The following CCDC83 variants were observed in gnomAD, a reference collection of about 807,000 sequenced individuals.
CCDC83 encodes coiled-coil domain-containing protein 83.
Under a neutral mutation model 50.1 loss-of-function variants are expected in CCDC83, and 54 were observed. The observed-to-expected ratio is 1.08, with a 90% CI of 0.87 to 1.35. The LOEUF (loss-of-function observed/expected upper bound fraction) is 1.35, where lower values mean the gene tolerates loss of function less well. Among genes scored for constraint, CCDC83 ranks in the 40% most tolerant of loss-of-function variants. The pLI, the probability that CCDC83 is intolerant of heterozygous loss-of-function variation, is 0.00. For synonymous variants in CCDC83, 161 were observed against 153.3 expected (o/e 1.05, Z -0.37); for missense variants, 518 against 473.9 (o/e 1.09, Z -0.86).
At position 85,883,297 on chromosome 11, in the gene CCDC83, CT is replaced by C. The variant is rs898226890; in HGVS notation, c.343+633del. ...GGGTTTTGTTCTTTTTCTTTTTTTTCTTTTTTTTTTTAATTCTGTTGTTTGG... is the reference window on the plus strand; with the variant it reads ...GGGTTTTGTTCTTTTTCTTTTTTTTCTTTTTTTTTTAATTCTGTTGTTTGG... On this transcript the variant is annotated intron_variant, in intron 4 of 10. Coordinates refer to ENST00000342404, the MANE Select transcript of CCDC83 (RefSeq NM_001286159.2). 2.3e-3 allele frequency among the ~76,000 whole-genome samples: 330 copies of C among 145,650 alleles called. 3 individuals carry two copies. Among genetic ancestry groups the C allele is most frequent in the African/African-American group, 6.6e-3 (265 of 39,932 alleles).
intron 6 of CCDC83, among the ~76,000 whole-genome samples, chr11:85,896,278 G>C (rs1180883142): frequency 6.6e-6 from 1 of 151,886 alleles, no homozygotes; most frequent in Non-Finnish European, 1.5e-5. Context: ...TCCCAGCTCA[G>C]TAGTGCCAGC....
At chr11:85,883,811 A>G (rs1275132011) in intron 4 of CCDC83, among the ~76,000 whole-genome samples, 1 of 152,176 alleles carries the variant, frequency 6.6e-6, no homozygotes, top group Non-Finnish European at 1.5e-5. Context: ...TCTCCACTCA[A>G]TAGATATTTG....
intron 2 of CCDC83, among the ~76,000 whole-genome samples, chr11:85,871,693 G>A (rs1275082208): frequency 2.6e-5 from 4 of 152,058 alleles, no homozygotes; most frequent in Non-Finnish European, 5.9e-5. Flanking sequence ...TGGACATTTA[G>A]GCCCAGGGAA....
intron 6 of CCDC83, among the ~76,000 whole-genome samples, chr11:85,896,400 C>CAAAAAA (rs58450617): frequency 4.0e-5 from 2 of 50,496 alleles, no homozygotes; most frequent in African/African-American, 6.7e-5. Context: ...GACCTTGTCT[C>CAAAAAA]AAAAAAAAAA....
chr11:85,882,561 A>C lies in CCDC83; in HGVS notation c.229A>C (p.Lys77Gln), dbSNP rs781694196. Residue 77 changes from lysine (K) to glutamine (Q), a missense_variant, in exon 4 of 11, where the codon AAG (lysine) becomes CAG (glutamine). Physicochemically the swap from Lys to Gln is moderately conservative, Grantham distance 53. Coordinates refer to ENST00000342404, the MANE Select transcript of CCDC83 (RefSeq NM_001286159.2). ...EQIWHIRHLLKELSEEKAEGL... is the reference protein window; with the variant it reads ...EQIWHIRHLLQELSEEKAEGL... ...GATTTGGCACATACGGCATCTACTA[A>C]AGGAACTGAGTGAAGAGAAGGCAGA... The C allele has an allele frequency of 6.2e-7, 1 of 1,613,894 alleles. No homozygotes were observed. The highest frequency in any genetic ancestry group is 2.2e-5 in the East Asian group (1 of 44,888).
intron 2 of CCDC83, among the ~76,000 whole-genome samples, chr11:85,871,160 C>G (rs370871472): frequency 7.0e-4 from 107 of 152,230 alleles, no homozygotes; most frequent in African/African-American, 2.4e-3. Context: ...GAGCAAGACT[C>G]TATTTCAAAA....
intron 1 of CCDC83, among the ~76,000 whole-genome samples, chr11:85,859,738 T>C (rs910968604): frequency 2.0e-5 from 3 of 152,144 alleles, no homozygotes; most frequent in Non-Finnish European, 4.4e-5. Context: ...ACCTAGGAAA[T>C]ACCATTCTGG....
chr11:85,887,517 T>A (rs750366139), intron 5 of CCDC83, among the ~76,000 whole-genome samples: 9 of 152,120 alleles, frequency 5.9e-5, no homozygotes, highest in Non-Finnish European at 1.2e-4. Context: ...CCCATATCAG[T>A]CTGGGCATGA....
At chr11:85,901,900 G>T (rs1051168861) in intron 7 of CCDC83, among the ~76,000 whole-genome samples, 24 of 151,594 alleles carry the variant, frequency 1.6e-4, no homozygotes, top group Non-Finnish European at 2.5e-4. Context: ...GCATGGTGGT[G>T]CAGGCCTGTG....
At chr11:85,913,719 T>A (rs987692339) in intron 8 of CCDC83, among the ~76,000 whole-genome samples, 1 of 152,194 alleles carries the variant, frequency 6.6e-6, no homozygotes, top group Non-Finnish European at 1.5e-5. Context: ...TAGAATGTCA[T>A]AGGATTTGTT....
chr11:85,872,796 C>T (rs2093246725), intron 2 of CCDC83, among the ~76,000 whole-genome samples: 1 of 152,046 alleles, frequency 6.6e-6, no homozygotes, highest in Admixed American at 6.6e-5. Context: ...ATAGGCATGC[C>T]TAGTTTACCT....
intron 10 of CCDC83, among the ~76,000 whole-genome samples, chr11:85,917,400 G>A (rs1202285922): frequency 6.6e-6 from 1 of 152,124 alleles, no homozygotes; most frequent in Non-Finnish European, 1.5e-5. Flanking sequence ...TTCCATCCAA[G>A]GGGAAGGAAC....
chr11:85,892,384 A>T lies in CCDC83; in HGVS notation c.512-2909A>T, dbSNP rs183613515. ...ATGGTTAATTGTTACCAGAAGCATC[A>T]TCTGAATCACAGAGGCTAACAATGA... On this transcript the variant is annotated intron_variant, in intron 5 of 10. Coordinates refer to ENST00000342404, the MANE Select transcript of CCDC83 (RefSeq NM_001286159.2). Among the ~76,000 whole-genome samples, 107 of 152,332 alleles carry T rather than the reference A, an allele frequency of 7.0e-4. 1 individual carries two copies. The highest frequency in any genetic ancestry group is 2.5e-3 in the African/African-American group (102 of 41,578).
At chr11:85,904,831 A>G (rs2093417727) in intron 7 of CCDC83, among the ~76,000 whole-genome samples, 1 of 152,140 alleles carries the variant, frequency 6.6e-6, no homozygotes, top group African/African-American at 2.4e-5. Context: ...CTTGCTCCCT[A>G]TTTGACTGAG....
intron 1 of CCDC83, among the ~76,000 whole-genome samples, chr11:85,859,904 C>G (rs2093165405): frequency 6.6e-6 from 1 of 152,130 alleles, no homozygotes; most frequent in Non-Finnish European, 1.5e-5. Context: ...AGAAAATATT[C>G]ACAAGCCATG....
At chr11:85,887,250 T>C (rs1234108819) in intron 5 of CCDC83, among the ~76,000 whole-genome samples, 1 of 152,200 alleles carries the variant, frequency 6.6e-6, no homozygotes, top group African/African-American at 2.4e-5. Flanking sequence ...GAGGCAAGCA[T>C]AGCAGCTTAA....
intron 6 of CCDC83, 25 bp from the exon 7 acceptor site, chr11:85,898,921 TC>T: frequency 1.3e-6 from 2 of 1,552,722 alleles, no homozygotes; most frequent in Non-Finnish European, 1.8e-6. Flanking sequence ...TGGCAACTCT[TC>T]CTTAATCCAG....
At position 85,916,236 on chromosome 11, in the gene CCDC83, A is replaced by G; in HGVS notation, c.1080+3A>G. ...ATGAGGATGAGAAGGATTTCAAGGT[A>G]AGATTCATAACAACACAACTTTGAC... On this transcript the variant is annotated splice_donor_region_variant and intron_variant, in intron 10 of 10. Coordinates refer to ENST00000342404, the MANE Select transcript of CCDC83 (RefSeq NM_001286159.2). 2 of 1,589,948 alleles carry G rather than the reference A, an allele frequency of 1.3e-6. No homozygotes were observed. The highest frequency in any genetic ancestry group is 1.7e-6 in the Non-Finnish European group (2 of 1,162,056).
chr11:85,878,792 A>G (rs1336415308), intron 3 of CCDC83, among the ~76,000 whole-genome samples: 1 of 152,184 alleles, frequency 6.6e-6, no homozygotes, highest in Non-Finnish European at 1.5e-5. Context: ...CATTCCCACC[A>G]TCATATAAGA....
Sources: gnomAD v4.1 joint callset for allele counts (sites outside exome capture counted in the v4.1 genomes callset) on GRCh38, gnomAD v4.1.1 for gene constraint, MANE v1.5 for transcripts, NCBI Gene and HGNC (gene_info 2026-07-23, HGNC 2026-07-21) for gene names.